Variants in NAALADL2 observed in about 807,000 individuals in gnomAD.
The protein encoded by NAALADL2 is inactive N-acetylated-alpha-linked acidic dipeptidase-like protein 2.
A neutral mutation model predicts 87.2 loss-of-function variants in NAALADL2; 76 were observed. That is an observed-to-expected ratio of 0.87 (90% CI 0.72 to 1.05). The LOEUF is 1.05. Among genes scored for constraint, NAALADL2 ranks in the 50% least tolerant of loss-of-function variants. NAALADL2 has a pLI of 0.00. For synonymous variants in NAALADL2, 354 were observed against 331.0 expected (o/e 1.07, Z -0.75); for missense variants, 1,089 against 945.8 (o/e 1.15, Z -1.99).
intron 2 of NAALADL2, among the ~76,000 whole-genome samples, chr3:175,228,514 A>G (rs922586787): frequency 3.4e-5 from 5 of 147,632 alleles, no homozygotes; most frequent in African/African-American, 9.8e-5. Context: ...ATTCCCAAGG[A>G]AAAAAAAAAA....
chr3:175,038,540 G>A (rs1753685945), intron 1 of NAALADL2, among the ~76,000 whole-genome samples: 1 of 152,130 alleles, frequency 6.6e-6, no homozygotes, highest in Non-Finnish European at 1.5e-5. Context: ...TTTGCTTTTA[G>A]ACTAGCCACC....
intron 2 of NAALADL2, among the ~76,000 whole-genome samples, chr3:174,716,683 A>G (rs1456985421): frequency 6.6e-6 from 1 of 151,980 alleles, no homozygotes; most frequent in Non-Finnish European, 1.5e-5. Flanking sequence ...TGTGATTATA[A>G]TCTCTGTGTG....
At chr3:174,774,162 G>A (rs1450430980) in intron 3 of NAALADL2, among the ~76,000 whole-genome samples, 1 of 151,930 alleles carries the variant, frequency 6.6e-6, no homozygotes, top group African/African-American at 2.4e-5. Context: ...CCTGCATATG[G>A]CCTTCTTATA....
intron 6 of NAALADL2, among the ~76,000 whole-genome samples, chr3:175,462,789 A>G (rs1723343065): frequency 6.6e-6 from 1 of 152,220 alleles, no homozygotes; most frequent in Non-Finnish European, 1.5e-5. Context: ...ATAAACAGAA[A>G]AATTCAAAAA....
At position 175,061,728 on chromosome 3, in the gene NAALADL2, A is replaced by AATATATATATAT. The variant is rs149495848; in HGVS notation, c.44-35048_44-35037dup. ...TTAGTTTCACCTGCTCACTTGCACA[A>AATATATATATAT]ATATATATATATATATATATATATA... On this transcript the variant is annotated intron_variant, in intron 1 of 13. Transcript: ENST00000454872. 4.6e-3 allele frequency among the ~76,000 whole-genome samples: 652 copies of AATATATATATAT among 141,512 alleles called. 8 individuals are homozygous for AATATATATATAT. The highest frequency in any genetic ancestry group is 0.013 in the East Asian group (65 of 4,846). The allele number at this position is 141,512 out of a possible 152,430, so 92.8% of individuals were successfully genotyped here. A position where few individuals can be genotyped will look rare whatever the true frequency, so the allele number is the denominator to read the frequency against.
At chr3:174,713,273 T>G (rs1730855961) in intron 2 of NAALADL2, among the ~76,000 whole-genome samples, 2 of 152,228 alleles carry the variant, frequency 1.3e-5, no homozygotes, top group South Asian at 4.1e-4. Flanking sequence ...TACGTGTGCA[T>G]GTGTCTTTAT....
chr3:175,564,045 C>T (rs543396126), intron 9 of NAALADL2, among the ~76,000 whole-genome samples: 21 of 152,178 alleles, frequency 1.4e-4, no homozygotes, highest in South Asian at 8.3e-4. Context: ...CGATTTCTCA[C>T]TCTCAGCATT....
At chr3:175,069,970 C>G (rs1412582820) in intron 1 of NAALADL2, among the ~76,000 whole-genome samples, 2 of 142,250 alleles carry the variant, frequency 1.4e-5, no homozygotes, top group South Asian at 2.2e-4. Flanking sequence ...AATGAGAACA[C>G]ATGGACACAG....
At chr3:175,122,144 G>A (rs1464927966) in intron 2 of NAALADL2, among the ~76,000 whole-genome samples, 1 of 151,728 alleles carries the variant, frequency 6.6e-6, no homozygotes, top group African/African-American at 2.4e-5. Flanking sequence ...TCTTTTTCTG[G>A]TTATAAATAA....
At position 175,295,749 on chromosome 3, in the gene NAALADL2, CCT is replaced by C. The variant is rs138960653; in HGVS notation, c.940-28412_940-28411del. 6.0e-3 allele frequency among the ~76,000 whole-genome samples: 771 copies of C among 128,440 alleles called. 2 individuals are homozygous for C. Among genetic ancestry groups the C allele is most frequent in the Non-Finnish European group, 8.9e-3 (506 of 56,920 alleles). The allele number at this position is 128,440 out of a possible 152,430, so 84.3% of individuals were successfully genotyped here. A position where few individuals can be genotyped will look rare whatever the true frequency, so the allele number is the denominator to read the frequency against. The stretch of plus-strand genomic sequence containing the variant: ...CACACACACACACACACACACACTC[CCT>C]CTCTCTCTCTCTCAGCACTCTCACA... On this transcript the variant is annotated intron_variant, in intron 4 of 13. Coordinates refer to ENST00000454872, the MANE Select transcript of NAALADL2 (RefSeq NM_207015.3).
At chr3:175,565,966 A>AT (rs1717080901) in intron 9 of NAALADL2, among the ~76,000 whole-genome samples, 1 of 151,426 alleles carries the variant, frequency 6.6e-6, no homozygotes, top group African/African-American at 2.4e-5. Context: ...AGCAGCTGAG[A>AT]TTACAGGTGC....
At chr3:175,398,838 T>C (rs1420883813) in intron 5 of NAALADL2, among the ~76,000 whole-genome samples, 2 of 152,036 alleles carry the variant, frequency 1.3e-5, no homozygotes, top group African/African-American at 2.4e-5. Flanking sequence ...TGTTACAGGA[T>C]AGGGGTCCCG....
intron 1 of NAALADL2, among the ~76,000 whole-genome samples, chr3:174,456,701 A>C (rs1715859066): frequency 6.6e-6 from 1 of 152,038 alleles, no homozygotes; most frequent in African/African-American, 2.4e-5. Context: ...TCCTTATACC[A>C]TATAAAAAAA....
chr3:175,615,439 G>T (rs971838121), intron 10 of NAALADL2, among the ~76,000 whole-genome samples: 1 of 152,144 alleles, frequency 6.6e-6, no homozygotes, highest in African/African-American at 2.4e-5. Context: ...AAATCCCTAT[G>T]ATGATTTTAT....
chr3:174,984,152 A>G (rs1027691613), intron 1 of NAALADL2, among the ~76,000 whole-genome samples: 1 of 152,208 alleles, frequency 6.6e-6, no homozygotes, highest in Admixed American at 6.5e-5. Context: ...TTCAAATGCA[A>G]CTCTGTAAAC....
chr3:174,990,576 A>G (rs151109968), intron 1 of NAALADL2, among the ~76,000 whole-genome samples: 178 of 152,290 alleles, frequency 1.2e-3, no homozygotes, highest in Middle Eastern at 0.01. Context: ...AAAGTTGTAT[A>G]TATGGAAAGC....
chr3:174,448,577 A>C (rs950706303), intron 1 of NAALADL2, among the ~76,000 whole-genome samples: 1 of 152,204 alleles, frequency 6.6e-6, no homozygotes, highest in African/African-American at 2.4e-5. Flanking sequence ...GGTTCAGTCT[A>C]GATTCTATTG....
chr3:175,030,086 T>C (rs1208999253), intron 1 of NAALADL2, among the ~76,000 whole-genome samples: 3 of 152,088 alleles, frequency 2.0e-5, no homozygotes, highest in South Asian at 2.1e-4. Context: ...GTGTTGGTAC[T>C]GCCATCTGAC....
intron 2 of NAALADL2, among the ~76,000 whole-genome samples, chr3:175,140,190 G>A (rs1729778844): frequency 6.6e-6 from 1 of 152,134 alleles, no homozygotes; most frequent in Non-Finnish European, 1.5e-5. Flanking sequence ...TAGGATAGTT[G>A]TGAAGATTAA....
Sources: allele counts gnomAD v4.1 joint callset (sites outside exome capture counted in the v4.1 genomes callset), GRCh38; gene constraint gnomAD v4.1.1; transcripts MANE v1.5; gene names NCBI Gene and HGNC (gene_info 2026-07-23, HGNC 2026-07-21).